THSD7A: variants seen among roughly 807,000 people sequenced by gnomAD.
THSD7A encodes thrombospondin type-1 domain-containing protein 7A.
THSD7A carries 96 observed loss-of-function variants against 231.3 expected under a neutral mutation model. That is an observed-to-expected ratio of 0.41 (90% CI 0.35 to 0.49). The LOEUF is 0.49. THSD7A is among the 20% of genes least tolerant of loss of function. THSD7A has a pLI of 0.05. For missense variants in THSD7A, 2,290 were observed against 2,070.2 expected, an observed-to-expected ratio of 1.11 and a Z score of -2.06; for synonymous variants, 940 against 743.3, an observed-to-expected ratio of 1.26 and a Z score of -4.30.
chr7:11,407,484 G>C, intron 19 of THSD7A, 61 bp from the exon 20 acceptor site: 1 of 1,247,036 alleles, frequency 8.0e-7, no homozygotes, highest in Non-Finnish European at 1.1e-6. Context: ...GCCAGAGAAT[G>C]AGGTGACAAG....
intron 6 of THSD7A, among the ~76,000 whole-genome samples, chr7:11,488,848 G>A (rs1786771694): frequency 6.6e-6 from 1 of 152,026 alleles, no homozygotes; most frequent in Non-Finnish European, 1.5e-5. Context: ...TCCATGAACT[G>A]ACATGCTGCT....
chr7:11,412,732 T>G lies in THSD7A; in HGVS notation c.3606A>C (p.Arg1202Ser). ...DPIRQPADEGRSCPNAVEKEP... is the reference protein window; with the variant it reads ...DPIRQPADEGSSCPNAVEKEP... ...CTTTCTCAACAGCATTAGGGCAAGA[T>G]CTTCCTTCATCAGCTGGTTGTCTGA... Residue 1202 changes from arginine (R) to serine (S), a missense_variant, in exon 18 of 28, where the codon AGA (arginine) becomes AGC (serine). Transcript: ENST00000423059. 1.2e-6 allele frequency: 2 copies of G among 1,613,790 alleles called. No individual in the cohort carries two copies. Among genetic ancestry groups the G allele is most frequent in the Non-Finnish European group, 1.7e-6 (2 of 1,179,814 alleles).
chr7:11,700,898 A>C (rs1176235013), intron 1 of THSD7A, among the ~76,000 whole-genome samples: 3 of 151,238 alleles, frequency 2.0e-5, no homozygotes, highest in Non-Finnish European at 4.4e-5. Context: ...TCTGTATTTA[A>C]ATGTATATCT....
chr7:11,414,796 C>T (rs1461407375), intron 17 of THSD7A, among the ~76,000 whole-genome samples: 4 of 152,196 alleles, frequency 2.6e-5, no homozygotes, highest in Non-Finnish European at 5.9e-5. Flanking sequence ...ACTGGAATAA[C>T]ACTATCTGTT....
chr7:11,633,530 G>C (rs771363120), intron 2 of THSD7A, among the ~76,000 whole-genome samples: 3 of 152,142 alleles, frequency 2.0e-5, no homozygotes, highest in Non-Finnish European at 4.4e-5. Context: ...CCCTCAGAAA[G>C]TTCAGGCTAC....
At chr7:11,739,326 A>G (rs1432345834) in intron 1 of THSD7A, among the ~76,000 whole-genome samples, 1 of 152,012 alleles carries the variant, frequency 6.6e-6, no homozygotes, top group Admixed American at 6.6e-5. Flanking sequence ...GTTAACTTGA[A>G]GGTCCTTAAA....
chr7:11,440,143 A>T (rs1784757791), intron 13 of THSD7A, among the ~76,000 whole-genome samples: 1 of 152,012 alleles, frequency 6.6e-6, no homozygotes, highest in Admixed American at 6.6e-5. Context: ...CTCAATAATG[A>T]AACAACAAAG....
At chr7:11,698,372 C>T (rs920321041) in intron 1 of THSD7A, among the ~76,000 whole-genome samples, 2 of 150,968 alleles carry the variant, frequency 1.3e-5, no homozygotes, top group Admixed American at 6.6e-5. Flanking sequence ...AAATACAATA[C>T]GGTATTTCAT....
intron 17 of THSD7A, among the ~76,000 whole-genome samples, chr7:11,414,252 G>A (rs1024455845): frequency 6.6e-6 from 1 of 152,188 alleles, no homozygotes; most frequent in African/African-American, 2.4e-5. Context: ...TGTACAGTAA[G>A]GGTTTCTGTG....
chr7:11,649,880 AAT>A (rs145871692), intron 1 of THSD7A, among the ~76,000 whole-genome samples: 3,092 of 152,136 alleles, frequency 0.02, 91 homozygotes, highest in African/African-American at 0.07. Context: ...CAACTAGTAT[AAT>A]ATATCATTCA....
At chr7:11,476,014 C>T (rs17555842) in intron 7 of THSD7A, among the ~76,000 whole-genome samples, 2 of 144,360 alleles carry the variant, frequency 1.4e-5, no homozygotes, top group Non-Finnish European at 3.0e-5. Context: ...CCAGTGGGAA[C>T]CATTTAAAAA....
Position 11,634,793 on chromosome 7 carries a change from A to G in THSD7A, c.1022+1337T>C, listed in dbSNP as rs1212732977. Among the ~76,000 whole-genome samples the G allele has an allele frequency of 6.6e-6, 1 of 152,190 alleles. No homozygotes were observed. The highest frequency in any genetic ancestry group is 1.5e-5 in the Non-Finnish European group (1 of 68,024). On this transcript the variant is annotated intron_variant, in intron 2 of 27. Transcript: ENST00000423059. This position sits in a 1 kb window ranked among gnomAD's most constrained non-coding sequence, Gnocchi z 4.1. ...GAGAGTAGCAAAAATTCCAAAAAAC[A>G]GTAACCAGAACTCTATGATGAGAGA...
At chr7:11,796,473 T>G (rs1784129451) in intron 1 of THSD7A, among the ~76,000 whole-genome samples, 1 of 152,036 alleles carries the variant, frequency 6.6e-6, no homozygotes, top group Non-Finnish European at 1.5e-5. Flanking sequence ...CATATTAATT[T>G]GAAAAGAATT....
chr7:11,582,926 TG>T (rs1220046761), intron 4 of THSD7A, among the ~76,000 whole-genome samples: 1 of 137,876 alleles, frequency 7.3e-6, no homozygotes, highest in Non-Finnish European at 1.6e-5. Context: ...TGTATATCTG[TG>T]TTTTTTTTTA....
chr7:11,820,022 C>A (rs1421079071), intron 1 of THSD7A, among the ~76,000 whole-genome samples: 1 of 151,994 alleles, frequency 6.6e-6, no homozygotes, highest in African/African-American at 2.4e-5. Flanking sequence ...CGCTCTCCCA[C>A]CCTACCCCTG....
intron 1 of THSD7A, among the ~76,000 whole-genome samples, chr7:11,763,848 T>C (rs1456550673): frequency 6.6e-6 from 1 of 152,186 alleles, no homozygotes; most frequent in Non-Finnish European, 1.5e-5. Flanking sequence ...TGATATGTTA[T>C]ATAAAAACAT....
At chr7:11,586,608 C>CTTTAT in intron 4 of THSD7A, among the ~76,000 whole-genome samples, 2 of 152,246 alleles carry the variant, frequency 1.3e-5, no homozygotes, top group South Asian at 4.1e-4. Context: ...AATGCATAGC[C>CTTTAT]TTTCTTTTCT....
At chr7:11,764,974 A>G (rs939571518) in intron 1 of THSD7A, among the ~76,000 whole-genome samples, 3 of 152,176 alleles carry the variant, frequency 2.0e-5, no homozygotes, top group Non-Finnish European at 2.9e-5. Context: ...AGAAACTCTT[A>G]ATGACAAACC....
chr7:11,703,684 C>T (rs114169403), intron 1 of THSD7A, among the ~76,000 whole-genome samples: 1,698 of 151,374 alleles, frequency 0.011, 26 homozygotes, highest in African/African-American at 0.039. Context: ...TGGTGTCTGA[C>T]TGTACTTTGA....
Sources: gnomAD v4.1 joint callset for allele counts (sites outside exome capture counted in the v4.1 genomes callset) on GRCh38, gnomAD v4.1.1 for gene constraint, Gnocchi (gnomAD v3.1) non-coding constraint, MANE v1.5 for transcripts, NCBI Gene and HGNC (gene_info 2026-07-23, HGNC 2026-07-21) for gene names.